The following RAPGEF2 variants were observed in gnomAD, a reference collection of about 807,000 sequenced individuals.
The protein encoded by RAPGEF2 is PDZ domain containing guanine nucleotide exchange factor (GEF) 1.
A neutral mutation model predicts 186.7 loss-of-function variants in RAPGEF2; 54 were observed. That is an observed-to-expected ratio of 0.29 (90% CI 0.23 to 0.36). RAPGEF2 has a LOEUF of 0.36. RAPGEF2 is among the 10% of genes least tolerant of loss of function. RAPGEF2 has a pLI of 1.00. For missense variants in RAPGEF2, 1,532 were observed against 2,045.0 expected (o/e 0.75, Z 4.84); for synonymous variants, 712 against 705.9 (o/e 1.01, Z -0.14).
Position 159,188,776 on chromosome 4 carries a change from AT to A in RAPGEF2, c.140+2068del, listed in dbSNP as rs571407209. On this transcript the variant is annotated intron_variant, in intron 2 of 29. Transcript: ENST00000691494. Reference sequence around the variant, plus strand: ...TCAACTTTCTGCAGCTGCAGAAGTAATTTTGGTTATAAATAATAAGTTCAAG... The same window carrying A: ...TCAACTTTCTGCAGCTGCAGAAGTAATTTGGTTATAAATAATAAGTTCAAG... Among the ~76,000 whole-genome samples the A allele has an allele frequency of 2.1e-4, 32 of 152,314 alleles. No individual in the cohort carries two copies. In the South Asian group the frequency reaches 5.2e-3, roughly 25 times the overall value.
At chr4:159,257,434 A>G (rs899271290) in intron 7 of RAPGEF2, among the ~76,000 whole-genome samples, 2 of 152,136 alleles carry the variant, frequency 1.3e-5, no homozygotes, top group African/African-American at 4.8e-5. Context: ...AGACCCATTC[A>G]CTATCATGAG....
intron 20 of RAPGEF2, among the ~76,000 whole-genome samples, chr4:159,342,553 A>T (rs55872245): frequency 0.12 from 8,648 of 70,200 alleles, 629 homozygotes; most frequent in African/African-American, 0.19. Flanking sequence ...TTTATTTTAT[A>T]TTATTTTATT....
chr4:159,250,086 T>G (rs565373659), intron 7 of RAPGEF2, among the ~76,000 whole-genome samples: 29 of 152,348 alleles, frequency 1.9e-4, no homozygotes, highest in African/African-American at 6.7e-4. Context: ...GAATCTATTT[T>G]TAAAACCTTA....
At chr4:159,117,388 A>T (rs1560978727) in intron 1 of RAPGEF2, among the ~76,000 whole-genome samples, 1 of 152,138 alleles carries the variant, frequency 6.6e-6, no homozygotes, top group African/African-American at 2.4e-5. Flanking sequence ...TTATTCCCAT[A>T]TGTGGACCTC....
intron 1 of RAPGEF2, among the ~76,000 whole-genome samples, chr4:159,137,709 C>CA (rs35501594): frequency 0.15 from 18,540 of 122,172 alleles, 2,072 homozygotes; most frequent in African/African-American, 0.28. Flanking sequence ...AAAATAAATG[C>CA]AAAAAAAAAA....
At chr4:159,111,185 G>T (rs906544716) in intron 1 of RAPGEF2, among the ~76,000 whole-genome samples, 2 of 152,158 alleles carry the variant, frequency 1.3e-5, no homozygotes, top group African/African-American at 4.8e-5. Context: ...TTTTGTGGAG[G>T]AAACAACTTG....
chr4:159,343,053 T>C lies in RAPGEF2; in HGVS notation c.2993T>C (p.Phe998Ser). The C allele has an allele frequency of 6.2e-7, 1 of 1,614,138 alleles. No individual in the cohort carries two copies. The highest frequency in any genetic ancestry group is 8.5e-7 in the Non-Finnish European group (1 of 1,179,988). ...EKLPNKYEKL[F>S]QDLQDLFDPS... ...CTTCCCAATAAATACGAAAAACTAT[T>C]TCAAGATCTCCAAGACCTGTTTGAT... The change falls in exon 21 of 30, where the codon TTT becomes TCT. Residue 998 changes from phenylalanine to serine, a missense_variant. Phe to Ser is a radical substitution (Grantham distance 155). Around this residue, in one of 4 missense-constraint regions of RAPGEF2, gnomAD observed 810 missense variants for 1,210.5 expected, o/e 0.67. Coordinates refer to ENST00000691494, the MANE Select transcript of RAPGEF2 (RefSeq NM_001394067.2).
intron 7 of RAPGEF2, among the ~76,000 whole-genome samples, chr4:159,260,089 C>A (rs1756630624): frequency 6.6e-6 from 1 of 152,040 alleles, no homozygotes; most frequent in African/African-American, 2.4e-5. Flanking sequence ...CCTTGACCTC[C>A]CAGGCTCAAG....
chr4:159,241,162 GT>G (rs1006522226), intron 5 of RAPGEF2, 38 bp from the exon 6 acceptor site: 7 of 1,397,942 alleles, frequency 5.0e-6, no homozygotes, highest in Non-Finnish European at 6.6e-6. Flanking sequence ...AGGAAATGTT[GT>G]GTTTGGAGAA....
At chr4:159,237,564 A>ATG (rs1561125375) in intron 4 of RAPGEF2, among the ~76,000 whole-genome samples, 4 of 152,106 alleles carry the variant, frequency 2.6e-5, no homozygotes, top group Non-Finnish European at 5.9e-5. Context: ...TTACTATGAC[A>ATG]TAAAGAGGAT....
chr4:159,119,072 A>G (rs943473840), intron 1 of RAPGEF2, among the ~76,000 whole-genome samples: 2 of 152,174 alleles, frequency 1.3e-5, no homozygotes, highest in Non-Finnish European at 2.9e-5. Flanking sequence ...GACTTGATTT[A>G]TAGTACAGAT....
chr4:159,187,317 C>G (rs1042934873), intron 2 of RAPGEF2, among the ~76,000 whole-genome samples: 1 of 151,002 alleles, frequency 6.6e-6, no homozygotes, highest in African/African-American at 2.4e-5. Flanking sequence ...TTTTTTTTCT[C>G]TGTCTCTCCC....
chr4:159,164,296 A>G (rs908018575), intron 1 of RAPGEF2, among the ~76,000 whole-genome samples: 6 of 126,874 alleles, frequency 4.7e-5, no homozygotes, highest in Admixed American at 1.7e-4. Context: ...GAGCCACTGC[A>G]CCCGGCTGTT....
intron 3 of RAPGEF2, among the ~76,000 whole-genome samples, chr4:159,194,335 G>T (rs1462001180): frequency 6.6e-6 from 1 of 152,210 alleles, no homozygotes; most frequent in Non-Finnish European, 1.5e-5. Flanking sequence ...AAACGACTTG[G>T]ATCCTTCAGG....
intron 1 of RAPGEF2, among the ~76,000 whole-genome samples, chr4:159,160,976 A>T (rs1246561868): frequency 2.3e-5 from 3 of 130,582 alleles, no homozygotes; most frequent in Non-Finnish European, 3.6e-5. Flanking sequence ...ACCTAATTAG[A>T]AATTAAAGTT....
At chr4:159,123,812 C>T (rs781605028) in intron 1 of RAPGEF2, among the ~76,000 whole-genome samples, 17 of 151,926 alleles carry the variant, frequency 1.1e-4, no homozygotes, top group Non-Finnish European at 1.9e-4. Context: ...GCCACCTCGC[C>T]TGGCTGGATT....
chr4:159,141,715 A>T (rs1242841013), intron 1 of RAPGEF2, among the ~76,000 whole-genome samples: 1 of 152,198 alleles, frequency 6.6e-6, no homozygotes, highest in Non-Finnish European at 1.5e-5. Flanking sequence ...GATTTTCATT[A>T]AACTTTACCA....
intron 9 of RAPGEF2, 122 bp downstream of exon 9, chr4:159,314,890 TGTATAAACAGTA>T (rs927377148): frequency 8.3e-6 from 8 of 966,612 alleles, no homozygotes; most frequent in Non-Finnish European, 1.0e-5. Context: ...TAATTTCCTT[TGTATAAACAGTA>T]GTATTTGTTG....
chr4:159,205,561 G>C (rs918364081), intron 3 of RAPGEF2, among the ~76,000 whole-genome samples: 4 of 152,150 alleles, frequency 2.6e-5, no homozygotes, highest in Non-Finnish European at 5.9e-5. Context: ...TGTGCCATTG[G>C]GGGAGGGACC....
Sources: gnomAD v4.1 joint callset for allele counts (sites outside exome capture counted in the v4.1 genomes callset) on GRCh38, gnomAD v4.1.1 for gene constraint, gnomAD v4.1.1 regional missense constraint, MANE v1.5 for transcripts, NCBI Gene and HGNC (gene_info 2026-07-23, HGNC 2026-07-21) for gene names.